The following HBS1L variants were observed in gnomAD, a reference collection of about 807,000 sequenced individuals.
The protein encoded by HBS1L is HBS1 like translational GTPase, also known as HBS1-like protein.
In HBS1L, 55 loss-of-function variants were observed where a neutral mutation model predicts 88.9. The ratio of observed to expected loss-of-function variants is 0.62; its 90% CI spans 0.50 to 0.77. The LOEUF is 0.77. HBS1L is among the 30% of genes least tolerant of loss of function. HBS1L has a pLI of 0.00. For synonymous variants in HBS1L, 267 were observed against 288.5 expected (o/e 0.93, Z 0.76); for missense variants, 741 against 829.3 (o/e 0.89, Z 1.31).
chr6:134,973,918 TG>T (rs747146653), intron 15 of HBS1L, among the ~76,000 whole-genome samples: 50 of 151,476 alleles, frequency 3.3e-4, no homozygotes, highest in Non-Finnish European at 6.9e-4. Context: ...CACTTAAAAA[TG>T]GTAAGTTCTA....
At chr6:135,031,890 C>T (rs1206144639) in intron 4 of HBS1L, among the ~76,000 whole-genome samples, 1 of 149,270 alleles carries the variant, frequency 6.7e-6, no homozygotes, top group Non-Finnish European at 1.5e-5. Flanking sequence ...TGAACCTGAA[C>T]TCCTGGACTC....
At chr6:134,999,152 C>T (rs1223165863) in intron 5 of HBS1L, among the ~76,000 whole-genome samples, 1 of 152,152 alleles carries the variant, frequency 6.6e-6, no homozygotes, top group Non-Finnish European at 1.5e-5. Context: ...ATCACAATCT[C>T]GGGCCCCAGA....
chr6:135,031,610 G>C (rs1776386236), intron 4 of HBS1L, among the ~76,000 whole-genome samples: 1 of 151,948 alleles, frequency 6.6e-6, no homozygotes, highest in South Asian at 2.1e-4. Flanking sequence ...CACCTTGGAT[G>C]AGGAAGACAA....
intron 5 of HBS1L, among the ~76,000 whole-genome samples, chr6:135,000,222 A>ATTTTTTTTTTTTTTTTTTTTTT (rs33946758): frequency 1.5e-5 from 2 of 129,440 alleles, no homozygotes; most frequent in African/African-American, 6.9e-5. Flanking sequence ...TACCCAGCTA[A>ATTTTTTTTTTTTTTTTTTTTTT]TTTTTTTTTT....
At chr6:134,982,913 T>C (rs1236552850) in intron 12 of HBS1L, 1 of 159,680 alleles carries the variant, frequency 6.3e-6, no homozygotes, top group Admixed American at 6.4e-5. Flanking sequence ...AAGAGAAAGA[T>C]GGAAACAATT....
At chr6:135,053,836 T>C (rs1440109588) in intron 1 of HBS1L, among the ~76,000 whole-genome samples, 1 of 152,246 alleles carries the variant, frequency 6.6e-6, no homozygotes, top group East Asian at 1.9e-4. Context: ...AGTTATCTAC[T>C]GCATGAAGAG....
chr6:134,970,150 G>A (rs2114746829), intron 15 of HBS1L, among the ~76,000 whole-genome samples: 2 of 151,632 alleles, frequency 1.3e-5, no homozygotes, highest in Non-Finnish European at 2.9e-5. Context: ...TGTTTTTTTT[G>A]GAAGCGGAGT....
rs192458937 is a variant in HBS1L at position 134,973,828 on chromosome 6, T to G, written c.1798-4490A>C. Among the ~76,000 whole-genome samples, 45 of 145,518 alleles carry G rather than the reference T, an allele frequency of 3.1e-4. No individual in the cohort carries two copies. In the East Asian group the frequency reaches 7.1e-3, roughly 23 times the overall value. On this transcript the variant is annotated intron_variant, in intron 15 of 17. Coordinates refer to ENST00000367837, the MANE Select transcript of HBS1L (RefSeq NM_006620.4). ...TCTAGCCTGGATGCCAAAGCGAGAC[T>G]CCATCTCAAGAAAAAAAAAAAAATG... is the stretch of plus-strand genomic sequence containing the variant.
At position 134,962,937 on chromosome 6, in the gene HBS1L, C is replaced by T. The variant is rs1774217714; in HGVS notation, c.*2342G>A. On this transcript the variant is annotated 3_prime_UTR_variant, in exon 18 of 18. Coordinates refer to ENST00000367837, the MANE Select transcript of HBS1L (RefSeq NM_006620.4). ...GATCCTCGAAATAATATCACCACTC[C>T]TTTCAACCACAATCAATCATCAATA... 6.6e-6 allele frequency: 1 copy of T among 152,204 alleles called. No homozygotes were observed. 9.4% of individuals were successfully genotyped at this position (152,204 alleles called of 1,614,324 possible). A position where few individuals can be genotyped will look rare whatever the true frequency, so the allele number is the denominator to read the frequency against.
chr6:135,010,586 A>G (rs1583108146), intron 4 of HBS1L, among the ~76,000 whole-genome samples: 1 of 152,244 alleles, frequency 6.6e-6, no homozygotes, highest in East Asian at 1.9e-4. Context: ...ATCTAGCCAT[A>G]GATAAATAGT....
rs1193715591 is a variant in HBS1L, at chr6:134,996,858, T to C, written c.884A>G (p.Tyr295Cys). ...GNINKRTMHKYEQESKKAGKA... is the reference protein window; with the variant it reads ...GNINKRTMHKCEQESKKAGKA... ...GCCAGCCTTTTTAGACTCCTGTTCA[T>C]ACTTATGCATAGTTCTTTTGTTTAT... Residue 295 changes from tyrosine (Y) to cysteine (C), a missense_variant, in exon 7 of 18, where the codon TAT becomes TGT. Coordinates refer to ENST00000367837, the MANE Select transcript of HBS1L (RefSeq NM_006620.4). 1.2e-6 allele frequency: 2 copies of C among 1,612,244 alleles called. No individual in the cohort carries two copies. Among genetic ancestry groups the C allele is most frequent in the South Asian group, 2.2e-5 (2 of 90,816 alleles).
intron 8 of HBS1L, among the ~76,000 whole-genome samples, chr6:134,992,690 T>C (rs1324078660): frequency 2.0e-5 from 3 of 152,208 alleles, no homozygotes; most frequent in African/African-American, 7.2e-5. Flanking sequence ...ACAACGTTTG[T>C]GCTTTAAGCT....
At chr6:135,002,932 A>C (rs1193764580) in intron 4 of HBS1L, 90 bp from the exon 5 acceptor site, 2 of 751,322 alleles carry the variant, frequency 2.7e-6, no homozygotes, top group African/African-American at 3.6e-5. Flanking sequence ...ATAGATTATG[A>C]TAACTTTCAC....
chr6:134,985,362 A>G lies in HBS1L; in HGVS notation c.1471T>C (p.Cys491Arg). The G allele has an allele frequency of 6.2e-7, 1 of 1,607,380 alleles. No homozygotes were observed. Among genetic ancestry groups the G allele is most frequent in the South Asian group, 1.1e-5 (1 of 89,958 alleles). ...QRSIDKPFRL[C>R]VSDVFKDQGS... ...TTACCTTTGAAAACATCGGACACAC[A>G]TAATCTAAAAGGTTTGTCAATAGAT... The change falls in exon 12 of 18, where the codon TGT (cysteine) becomes CGT (arginine). Residue 491 changes from cysteine (C) to arginine (R), a missense_variant. Physicochemically the swap from Cys to Arg is radical, Grantham distance 180 (BLOSUM62 -3). This residue lies in a region of HBS1L where 556 missense variants were observed against 598.4 expected (regional missense o/e 0.93). Coordinates refer to ENST00000367837, the MANE Select transcript of HBS1L (RefSeq NM_006620.4).
intron 6 of HBS1L, 129 bp downstream of exon 6, chr6:134,997,268 A>T: frequency 9.4e-7 from 1 of 1,068,744 alleles, no homozygotes; most frequent in East Asian, 2.4e-5. Context: ...AGAAAGCATT[A>T]TGAGACTGTG....
At position 134,979,909 on chromosome 6, in the gene HBS1L, T is replaced by A. The variant is rs191285251; in HGVS notation, c.1598-641A>T. 2.0e-5 allele frequency among the ~76,000 whole-genome samples: 3 copies of A among 152,146 alleles called. No homozygotes were observed. The East Asian group carries it at 5.8e-4, about 29-fold the overall frequency. Reference sequence around the variant, plus strand: ...GAAATAGTGATAAGAAAATTTAATTTTAAAATGATCCTAGGTGTTGCTATA... The same window carrying A: ...GAAATAGTGATAAGAAAATTTAATTATAAAATGATCCTAGGTGTTGCTATA... On this transcript the variant is annotated intron_variant, in intron 13 of 17. Transcript: ENST00000367837.
chr6:134,965,266 A>G lies in HBS1L; in HGVS notation c.*13T>C. On this transcript the variant is annotated 3_prime_UTR_variant, in exon 18 of 18. Coordinates refer to ENST00000367837, the MANE Select transcript of HBS1L (RefSeq NM_006620.4). ...TTCACTGTATCCAGAAACGTGGTAG[A>G]AATTCTGACCCATCATTCTTTTATC... is the stretch of plus-strand genomic sequence containing the variant. The G allele has an allele frequency of 6.4e-7, 1 of 1,573,780 alleles. No homozygotes were observed. The highest frequency in any genetic ancestry group is 1.1e-5 in the South Asian group (1 of 88,100).
chr6:135,022,959 A>G (rs1011826656), intron 4 of HBS1L, among the ~76,000 whole-genome samples: 1 of 152,024 alleles, frequency 6.6e-6, no homozygotes, highest in African/African-American at 2.4e-5. Context: ...CCTCATAAAA[A>G]TCAAATGTTA....
intron 4 of HBS1L, 79 bp downstream of exon 4, chr6:135,039,494 T>C: frequency 8.6e-7 from 1 of 1,169,462 alleles, no homozygotes; most frequent in Middle Eastern, 2.0e-4. Context: ...AATATTTTCT[T>C]AAAAGCTCAA....
Sources: gnomAD v4.1 joint callset for allele counts (sites outside exome capture counted in the v4.1 genomes callset) on GRCh38, gnomAD v4.1.1 for gene constraint, gnomAD v4.1.1 regional missense constraint, MANE v1.5 for transcripts, NCBI Gene and HGNC (gene_info 2026-07-23, HGNC 2026-07-21) for gene names.